The following TET1 variants were observed in gnomAD, a reference collection of about 807,000 sequenced individuals.
TET1 encodes methylcytosine dioxygenase TET1.
Under a neutral mutation model 148.7 loss-of-function variants are expected in TET1, and 13 were observed. The ratio of observed to expected loss-of-function variants is 0.09; its 90% confidence interval spans 0.06 to 0.14. TET1 has a LOEUF of 0.14. Ranked by LOEUF, TET1 falls within the 10% of genes least tolerant of loss-of-function variation. The pLI is 1.00. For missense variants in TET1, 2,182 were observed against 2,553.8 expected (o/e 0.85, Z 3.14); for synonymous variants, 907 against 937.2 (o/e 0.97, Z 0.59).
At chr10:68,630,121 G>C (rs1309340296) in intron 3 of TET1, among the ~76,000 whole-genome samples, 1 of 152,202 alleles carries the variant, frequency 6.6e-6, no homozygotes, top group East Asian at 1.9e-4. Flanking sequence ...GGCAGAAGGA[G>C]TATGAGTAGA....
At chr10:68,636,393 A>G (rs1388675439) in intron 3 of TET1, among the ~76,000 whole-genome samples, 17 of 152,178 alleles carry the variant, frequency 1.1e-4, no homozygotes, top group Non-Finnish European at 1.5e-5. Context: ...GTGAGTTCTA[A>G]GAAGCCCTGG....
chr10:68,565,629 A>G lies in TET1; in HGVS notation c.-123+4887A>G, dbSNP rs558068792. ...TTCTGGAGGTCTTTGAGGTAATTCC[A>G]TATTTAAATGTGGACCTATTTAATG... is the stretch of plus-strand genomic sequence containing the variant. On this transcript the variant is annotated intron_variant, in intron 1 of 11. Transcript: ENST00000373644. Among the ~76,000 whole-genome samples, 11 of 152,168 alleles carry G rather than the reference A, an allele frequency of 7.2e-5. No homozygotes were observed. In the South Asian group the frequency reaches 1.7e-3, roughly 23 times the overall value.
intron 11 of TET1, among the ~76,000 whole-genome samples, chr10:68,690,157 AC>A (rs1187966302): frequency 6.6e-6 from 1 of 152,224 alleles, no homozygotes; most frequent in East Asian, 1.9e-4. Context: ...TGATTGTATT[AC>A]AATACCTGCA....
chr10:68,643,836 A>G (rs1450409574), intron 3 of TET1, among the ~76,000 whole-genome samples: 1 of 152,174 alleles, frequency 6.6e-6, no homozygotes, highest in Non-Finnish European at 1.5e-5. Flanking sequence ...TATTTAAAAC[A>G]TAAAATAAAA....
At chr10:68,563,333 C>G in intron 1 of TET1, among the ~76,000 whole-genome samples, 1 of 152,236 alleles carries the variant, frequency 6.6e-6, no homozygotes, top group East Asian at 1.9e-4. Flanking sequence ...CCTGCTCTTC[C>G]TTTCGAGGTA....
intron 7 of TET1, among the ~76,000 whole-genome samples, chr10:68,670,548 C>A (rs889523647): frequency 5.3e-5 from 8 of 152,200 alleles, no homozygotes; most frequent in Admixed American, 5.2e-4. Flanking sequence ...TTAAAATAAT[C>A]TGAGGATGCT....
chr10:68,649,153 G>C (rs1446351031), intron 4 of TET1, among the ~76,000 whole-genome samples: 3 of 152,214 alleles, frequency 2.0e-5, no homozygotes, highest in Non-Finnish European at 2.9e-5. Flanking sequence ...TCTTCAAAGA[G>C]AGGGTTTATT....
chr10:68,596,331 T>G (rs1470701217), intron 2 of TET1, among the ~76,000 whole-genome samples: 1 of 152,094 alleles, frequency 6.6e-6, no homozygotes, highest in East Asian at 1.9e-4. Context: ...AAATTCTATA[T>G]ATTTTCATAT....
intron 3 of TET1, among the ~76,000 whole-genome samples, chr10:68,618,801 A>G (rs1390625381): frequency 1.3e-5 from 2 of 152,176 alleles, no homozygotes; most frequent in Non-Finnish European, 2.9e-5. Context: ...ATTAATCAGT[A>G]TGATTTAAAA....
rs1233792351 is a variant in TET1, at chr10:68,573,736, A to G, written c.1398A>G (p.Ile466Met). Reference protein sequence around the residue: ...VSYGLAVQGAIQILPLGSGHT... With the variant: ...VSYGLAVQGAMQILPLGSGHT... ...ATGGACTTGCAGTCCAGGGTGCTATACAGATTTTGCCTTTGGGCTCAGGAC... is the reference window on the plus strand; with the variant it reads ...ATGGACTTGCAGTCCAGGGTGCTATGCAGATTTTGCCTTTGGGCTCAGGAC... The change falls in exon 2 of 12, where the codon ATA becomes ATG. Residue 466 changes from isoleucine (I) to methionine (M), a missense_variant. Transcript: ENST00000373644. The G allele has an allele frequency of 3.7e-6, 6 of 1,614,072 alleles. No individual in the cohort carries two copies. The East Asian group carries it at 1.1e-4, about 30-fold the overall frequency.
Position 68,652,025 on chromosome 10 carries a change from T to C in TET1, c.4367+89T>C, listed in dbSNP as rs879261476. 110 of 1,233,702 alleles carry C rather than the reference T, an allele frequency of 8.9e-5. No homozygotes were observed. The Admixed American group carries it at 1.8e-3, about 21-fold the overall frequency. 76.4% of individuals were successfully genotyped at this position (1,233,702 alleles called of 1,614,324 possible). On this transcript the variant is annotated intron_variant, in intron 5 of 11. Transcript: ENST00000373644. ...TCATCTCTAAGAACAAACGCCGTGA[T>C]TGAAAAATGATCAGGAGTATGAGTT...
intron 6 of TET1, among the ~76,000 whole-genome samples, chr10:68,666,121 AT>A (rs140722596): frequency 7.9e-4 from 117 of 147,648 alleles, no homozygotes; most frequent in Admixed American, 1.6e-3. Context: ...TTTGTATAGA[AT>A]TTTTTTTTTT....
chr10:68,632,321 C>CAA, intron 3 of TET1: 23 of 1,225,340 alleles, frequency 1.9e-5, no homozygotes, highest in South Asian at 3.0e-5. Flanking sequence ...GATTCCCTTT[C>CAA]AAAAAAAAAA....
At chr10:68,635,910 A>G (rs1024920953) in intron 3 of TET1, among the ~76,000 whole-genome samples, 7 of 152,084 alleles carry the variant, frequency 4.6e-5, no homozygotes, top group African/African-American at 1.7e-4. Flanking sequence ...GTGAGAGTGA[A>G]GCTTCAAGGA....
chr10:68,636,358 C>T (rs1589099287), intron 3 of TET1, among the ~76,000 whole-genome samples: 2 of 152,278 alleles, frequency 1.3e-5, no homozygotes, highest in East Asian at 1.9e-4. Flanking sequence ...CCCTTCACTC[C>T]AGCCCTGATT....
chr10:68,597,122 C>G (rs1183552615), intron 2 of TET1, among the ~76,000 whole-genome samples: 4 of 148,828 alleles, frequency 2.7e-5, no homozygotes, highest in Non-Finnish European at 5.9e-5. Flanking sequence ...CAACCTCCAC[C>G]TCCCAGGTTC....
At chr10:68,671,624 C>T (rs1462533176) in intron 7 of TET1, among the ~76,000 whole-genome samples, 2 of 152,130 alleles carry the variant, frequency 1.3e-5, no homozygotes, top group Non-Finnish European at 2.9e-5. Flanking sequence ...ATGGTACTTT[C>T]GTTGTCATTC....
intron 8 of TET1, 121 bp downstream of exon 8, chr10:68,673,166 T>C: frequency 1.6e-6 from 1 of 636,516 alleles, no homozygotes; most frequent in Non-Finnish European, 2.3e-6. Flanking sequence ...AGTAATCAAA[T>C]AGTAAAATTA....
At position 68,572,736 on chromosome 10, in the gene TET1, G is replaced by T. The variant is rs1478029429; in HGVS notation, c.398G>T (p.Gly133Val). The T allele has an allele frequency of 3.1e-6, 5 of 1,614,110 alleles. No individual in the cohort carries two copies. In the South Asian group the frequency reaches 5.5e-5, roughly 18 times the overall value. ...AKSKKVPLSK[G>V]LEKQHDCDYK... is the part of the protein sequence containing the mutation. The stretch of plus-strand genomic sequence containing the variant: ...TCCAAAAAGGTTCCACTTTCTAAGG[G>T]TTTAGAAAAGCAACATGATTGTGAT... Residue 133 changes from glycine (G) to valine (V), a missense_variant, in exon 2 of 12, where the codon GGT becomes GTT. Transcript: ENST00000373644.
Sources: allele counts gnomAD v4.1 joint callset (sites outside exome capture counted in the v4.1 genomes callset), GRCh38; gene constraint gnomAD v4.1.1; transcripts MANE v1.5; gene names NCBI Gene and HGNC (gene_info 2026-07-23, HGNC 2026-07-21).